Variants in RAD51 observed in about 807,000 individuals in gnomAD.
RAD51 encodes RAD51 recombinase, also known as DNA repair protein RAD51 homolog 1.
RAD51 carries 14 observed loss-of-function variants against 41.5 expected under a neutral mutation model. The observed-to-expected ratio is 0.34, with a 90% CI of 0.22 to 0.53. RAD51 has a LOEUF of 0.53. Among genes scored for constraint, RAD51 ranks in the 20% least tolerant of loss-of-function variants. The probability of loss-of-function intolerance (pLI) is 0.95; values close to 1 mark genes in which losing one functional copy is unlikely to be tolerated. For missense variants in RAD51, 234 were observed against 422.0 expected (o/e 0.55, Z 3.90); for synonymous variants, 136 against 148.6 (o/e 0.92, Z 0.62).
At chr15:40,730,272 G>T (rs898097644) in intron 9 of RAD51, among the ~76,000 whole-genome samples, 1 of 152,120 alleles carries the variant, frequency 6.6e-6, no homozygotes, top group Admixed American at 6.6e-5. Flanking sequence ...CACTTTGGGA[G>T]GCCAAGGTGA....
intron 3 of RAD51, 142 bp downstream of exon 3, chr15:40,701,343 CTTCTTTTCTT>C (rs201339709): frequency 2.6e-5 from 21 of 802,264 alleles, no homozygotes; most frequent in African/African-American, 7.3e-5. Flanking sequence ...TGTTTCTTTT[CTTCTTTTCTT>C]TTCTTTTCTT....
chr15:40,697,786 G>C (rs2928139), intron 1 of RAD51, among the ~76,000 whole-genome samples: 151,815 of 151,960 alleles, frequency 1, 75,837 homozygotes, highest in Middle Eastern at 1. Flanking sequence ...CTCCTGACCT[G>C]GTGATCCACC....
chr15:40,718,661 A>G (rs1896110717), intron 5 of RAD51, 144 bp from the exon 6 acceptor site: 1 of 717,030 alleles, frequency 1.4e-6, no homozygotes, highest in South Asian at 1.5e-5. Flanking sequence ...TAATATCAGA[A>G]GGGAATGCCT....
chr15:40,706,387 GT>G, intron 4 of RAD51, 93 bp downstream of exon 4: 2 of 1,060,612 alleles, frequency 1.9e-6, no homozygotes, highest in Non-Finnish European at 2.9e-6. Context: ...GCATTTCCTT[GT>G]TAGATAATGA....
chr15:40,712,731 C>G (rs1243597876), intron 5 of RAD51, among the ~76,000 whole-genome samples: 1 of 152,064 alleles, frequency 6.6e-6, no homozygotes, highest in Non-Finnish European at 1.5e-5. Flanking sequence ...ATAGATTATA[C>G]CCACTTCTGC....
intron 5 of RAD51, among the ~76,000 whole-genome samples, chr15:40,709,424 T>C (rs1241397120): frequency 6.8e-6 from 1 of 147,516 alleles, no homozygotes; most frequent in Non-Finnish European, 1.5e-5. Context: ...TCGCCCAGGC[T>C]GAAGTACAGT....
chr15:40,731,150 C>T lies in RAD51; in HGVS notation c.992C>T (p.Ala331Val). Residue 331 changes from alanine to valine, a missense_variant, in exon 10 of 10, where the codon GCA becomes GTA. Ala to Val is a moderately conservative substitution (Grantham distance 64). Transcript: ENST00000267868. Reference sequence around the variant, plus strand: ...GCTGAAGCTATGTTCGCCATTAATGCAGATGGAGTGGGAGATGCCAAAGAC... The same window carrying T: ...GCTGAAGCTATGTTCGCCATTAATGTAGATGGAGTGGGAGATGCCAAAGAC... ...PEAEAMFAIN[A>V]DGVGDAKD 6.2e-7 allele frequency: 1 copy of T among 1,614,092 alleles called. No individual in the cohort carries two copies. The highest frequency in any genetic ancestry group is 8.5e-7 in the Non-Finnish European group (1 of 1,179,982).
chr15:40,703,806 C>T (rs1444700684), intron 3 of RAD51, among the ~76,000 whole-genome samples: 2 of 152,004 alleles, frequency 1.3e-5, no homozygotes, highest in Non-Finnish European at 2.9e-5. Context: ...CTCTATTATT[C>T]TGCCCTCTAC....
intron 1 of RAD51, among the ~76,000 whole-genome samples, chr15:40,696,861 G>A (rs1894670979): frequency 6.6e-6 from 1 of 152,060 alleles, no homozygotes; most frequent in Non-Finnish European, 1.5e-5. Context: ...AATGATGTTG[G>A]ACATCTGTTC....
chr15:40,728,048 T>C lies in RAD51; in HGVS notation c.531-663T>C, dbSNP rs573336052. On this transcript the variant is annotated intron_variant, in intron 6 of 9. Coordinates refer to ENST00000267868, the MANE Select transcript of RAD51 (RefSeq NM_002875.5). ...CTAATTTTTGTATTTTTAGTAGAGA[T>C]GGGGTTTTGCCATGTTGACCAGGCT... Among the ~76,000 whole-genome samples the C allele has an allele frequency of 2.6e-5, 4 of 152,192 alleles. No individual in the cohort carries two copies. In the South Asian group the frequency reaches 8.3e-4, roughly 32 times the overall value.
chr15:40,713,398 A>C (rs561969336), intron 5 of RAD51, among the ~76,000 whole-genome samples: 193 of 150,060 alleles, frequency 1.3e-3, no homozygotes, highest in African/African-American at 4.6e-3. Context: ...CCTGCCACCC[A>C]ACACAGCTAA....
At chr15:40,728,310 A>T (rs2141879131) in intron 6 of RAD51, among the ~76,000 whole-genome samples, 1 of 152,306 alleles carries the variant, frequency 6.6e-6, no homozygotes, top group South Asian at 2.1e-4. Flanking sequence ...AAAAATAAAA[A>T]TATTAGCTAT....
intron 3 of RAD51, among the ~76,000 whole-genome samples, chr15:40,701,571 T>C (rs896546492): frequency 6.6e-6 from 1 of 151,764 alleles, no homozygotes; most frequent in Non-Finnish European, 1.5e-5. Context: ...GCTCAGGCGA[T>C]TCACCTACCT....
chr15:40,712,877 C>CTTTTTTTTTT (rs398039433), intron 5 of RAD51, among the ~76,000 whole-genome samples: 54 of 103,896 alleles, frequency 5.2e-4, no homozygotes, highest in Non-Finnish European at 6.8e-4. Context: ...CTTTTCTTTT[C>CTTTTTTTTTT]TTTTTTTTTT....
chr15:40,717,598 C>A (rs1476317133), intron 5 of RAD51, among the ~76,000 whole-genome samples: 1 of 151,966 alleles, frequency 6.6e-6, no homozygotes, highest in Non-Finnish European at 1.5e-5. Context: ...TCTTTTCTTT[C>A]CTTTTTGTTT....
intron 4 of RAD51, among the ~76,000 whole-genome samples, chr15:40,706,847 T>G (rs1895374764): frequency 6.6e-6 from 1 of 152,234 alleles, no homozygotes; most frequent in African/African-American, 2.4e-5. Context: ...AAGCTCCTTT[T>G]GCTTAAGGAG....
chr15:40,718,433 G>C (rs1896092991), intron 5 of RAD51, among the ~76,000 whole-genome samples: 1 of 149,166 alleles, frequency 6.7e-6, no homozygotes, highest in Non-Finnish European at 1.5e-5. Context: ...CAGGAGAGTT[G>C]CTTGAACCCA....
At position 40,701,206 on chromosome 15, in the gene RAD51, G is replaced by A; in HGVS notation, c.225+5G>A. The A allele has an allele frequency of 3.7e-6, 6 of 1,614,046 alleles. No individual in the cohort carries two copies. Among genetic ancestry groups the A allele is most frequent in the Non-Finnish European group, 4.2e-6 (5 of 1,179,938 alleles). On this transcript the variant is annotated splice_donor_5th_base_variant and intron_variant, in intron 3 of 9. Coordinates refer to ENST00000267868, the MANE Select transcript of RAD51 (RefSeq NM_002875.5). Reference sequence around the variant, plus strand: ...GCCAAAGCTGATAAAATTCTGGTAAGTACTGCTTACTTAACCTAGGGAGGC... The same window carrying A: ...GCCAAAGCTGATAAAATTCTGGTAAATACTGCTTACTTAACCTAGGGAGGC...
chr15:40,706,544 T>G (rs1398178115), intron 4 of RAD51, among the ~76,000 whole-genome samples: 1 of 152,062 alleles, frequency 6.6e-6, no homozygotes, highest in Non-Finnish European at 1.5e-5. Context: ...ACAAAATTAG[T>G]TGGGCATGGT....
Sources: gnomAD v4.1 joint callset for allele counts (sites outside exome capture counted in the v4.1 genomes callset) on GRCh38, gnomAD v4.1.1 for gene constraint, MANE v1.5 for transcripts, NCBI Gene and HGNC (gene_info 2026-07-23, HGNC 2026-07-21) for gene names.